SLC16A2: variants seen among roughly 807,000 people sequenced by gnomAD.
SLC16A2 encodes solute carrier family 16 member 2, also known as monocarboxylate transporter 8.
In SLC16A2, 3 loss-of-function variants were observed where a neutral mutation model predicts 27.2. The ratio of observed to expected loss-of-function variants is 0.11; its 90% CI spans 0.05 to 0.28. The LOEUF is 0.28. Ranked by LOEUF, SLC16A2 falls within the 10% of genes least tolerant of loss-of-function variation. SLC16A2 has a pLI of 1.00. For synonymous variants in SLC16A2, 202 were observed against 187.8 expected (o/e 1.08, Z -0.62); for missense variants, 295 against 458.5 (o/e 0.64, Z 3.26).
At chrX:74,499,985 G>A (rs1298181920) in intron 1 of SLC16A2, among the ~76,000 whole-genome samples, 2 of 111,441 alleles carry the variant, frequency 1.8e-5, no homozygotes, top group Non-Finnish European at 3.8e-5. Flanking sequence ...CAGTAGGTTT[G>A]AGGGGAAAGC....
chrX:74,505,098 T>C (rs1930101609), intron 1 of SLC16A2, among the ~76,000 whole-genome samples: 1 of 112,024 alleles, frequency 8.9e-6, no homozygotes, highest in Admixed American at 9.5e-5. Flanking sequence ...TATACAAACA[T>C]TATAGAAAGA....
chrX:74,494,625 T>C (rs924458537), intron 1 of SLC16A2, among the ~76,000 whole-genome samples: 2 of 111,554 alleles, frequency 1.8e-5, no homozygotes, highest in Non-Finnish European at 3.8e-5. Flanking sequence ...TTCCTCCTTA[T>C]GAATATCCTG....
In SLC16A2 at chrX:74,484,294, G is replaced by A. The variant is rs183654794; in HGVS notation, c.431-36696G>A. Among the ~76,000 whole-genome samples, 5 of 111,824 alleles carry A rather than the reference G, an allele frequency of 4.5e-5. No homozygotes were observed. The Admixed American group carries it at 4.7e-4, about 11-fold the overall frequency. On this transcript the variant is annotated intron_variant, in intron 1 of 5. Coordinates refer to ENST00000587091, the MANE Select transcript of SLC16A2 (RefSeq NM_006517.5). Reference sequence around the variant, plus strand: ...ATCAAATACATTTAGGATATACATTGGTTTGGTTCAGAAAGGCAAAACAAC... The same window carrying A: ...ATCAAATACATTTAGGATATACATTAGTTTGGTTCAGAAAGGCAAAACAAC...
At position 74,449,473 on chromosome X, in the gene SLC16A2, A is replaced by AT. The variant is rs1207772943; in HGVS notation, c.430+27407dup. ...AGATATAACCTCCAAAGTAACTTGC[A>AT]TAATATATTTGCACCCTGCTGTGTT... On this transcript the variant is annotated intron_variant, in intron 1 of 5. Coordinates refer to ENST00000587091, the MANE Select transcript of SLC16A2 (RefSeq NM_006517.5). Among the ~76,000 whole-genome samples the AT allele has an allele frequency of 2.7e-5, 3 of 112,389 alleles. No homozygotes were observed. The East Asian group carries it at 8.4e-4, about 32-fold the overall frequency.
At chrX:74,503,846 T>C (rs924608753) in intron 1 of SLC16A2, among the ~76,000 whole-genome samples, 5 of 112,350 alleles carry the variant, frequency 4.5e-5, no homozygotes, top group Admixed American at 9.4e-5. Context: ...CTGTGTGACC[T>C]AGTCTACTTA....
At chrX:74,512,678 A>G (rs907368237) in intron 1 of SLC16A2, among the ~76,000 whole-genome samples, 2 of 112,141 alleles carry the variant, frequency 1.8e-5, no homozygotes, top group Non-Finnish European at 3.8e-5. Flanking sequence ...CTGGTCTCAC[A>G]CTTGAATTAT....
At chrX:74,432,175 G>T (rs1426371108) in intron 1 of SLC16A2, among the ~76,000 whole-genome samples, 1 of 111,345 alleles carries the variant, frequency 9.0e-6, no homozygotes, top group Non-Finnish European at 1.9e-5. Context: ...TGGAGTTAGG[G>T]TGTCACTTCC....
intron 1 of SLC16A2, among the ~76,000 whole-genome samples, chrX:74,468,722 T>A (rs574855757): frequency 8.9e-6 from 1 of 112,297 alleles, no homozygotes; most frequent in Middle Eastern, 4.6e-3. Flanking sequence ...GCACTATTTA[T>A]GGGGTACATG....
At chrX:74,523,241 C>A (rs1602141695) in intron 2 of SLC16A2, among the ~76,000 whole-genome samples, 1 of 112,206 alleles carries the variant, frequency 8.9e-6, no homozygotes, top group African/African-American at 3.2e-5. Context: ...TCCTTGCTCA[C>A]GTCCAGTGAA....
chrX:74,464,788 C>T (rs1486823092), intron 1 of SLC16A2, among the ~76,000 whole-genome samples: 4 of 110,798 alleles, frequency 3.6e-5, no homozygotes, highest in African/African-American at 6.6e-5. Flanking sequence ...GGAGGCTGAG[C>T]GGGGAGGATC....
At chrX:74,486,657 C>A (rs1383011147) in intron 1 of SLC16A2, among the ~76,000 whole-genome samples, 2 of 112,183 alleles carry the variant, frequency 1.8e-5, no homozygotes, top group Non-Finnish European at 3.8e-5. Flanking sequence ...CTAGTTCAAC[C>A]ATTGTGGAAG....
At chrX:74,477,374 CT>C (rs1929503834) in intron 1 of SLC16A2, among the ~76,000 whole-genome samples, 1 of 110,784 alleles carries the variant, frequency 9.0e-6, no homozygotes, top group Admixed American at 9.6e-5. Flanking sequence ...TCTCTCTTTT[CT>C]TCTTTATTAG....
intron 1 of SLC16A2, among the ~76,000 whole-genome samples, chrX:74,451,041 A>G (rs767853095): frequency 2.7e-5 from 3 of 111,913 alleles, no homozygotes; most frequent in Admixed American, 9.5e-5. Context: ...TTGGGTTTCC[A>G]TGGGGATCTG....
rs745812630 is a variant in SLC16A2, at chrX:74,473,920, G to A, written c.431-47070G>A. ...CCTTCAATGAAGAGCTTCCTCAGCTGTTCGGGCCCTTTAGGAGATGCTGAC... is the reference window on the plus strand; with the variant it reads ...CCTTCAATGAAGAGCTTCCTCAGCTATTCGGGCCCTTTAGGAGATGCTGAC... On this transcript the variant is annotated intron_variant, in intron 1 of 5. Transcript: ENST00000587091. 1.2e-5 allele frequency: 5 copies of A among 420,371 alleles called. No individual in the cohort carries two copies. The South Asian group carries it at 2.0e-4, about 17-fold the overall frequency. The allele number at this position is 420,371 out of a possible 1,213,427, so 34.6% of individuals were successfully genotyped here.
chrX:74,521,269 C>A (rs1930401810), intron 2 of SLC16A2, 135 bp downstream of exon 2: 2 of 769,577 alleles, frequency 2.6e-6, no homozygotes, highest in Non-Finnish European at 3.9e-6. Flanking sequence ...ATCCTGCACC[C>A]TGGATTCAGA....
At chrX:74,452,592 T>C (rs920692536) in intron 1 of SLC16A2, among the ~76,000 whole-genome samples, 21 of 111,767 alleles carry the variant, frequency 1.9e-4, no homozygotes, top group African/African-American at 6.8e-4. Context: ...AGATTATATA[T>C]ATAGTTTTAA....
At chrX:74,502,805 G>A (rs1293935880) in intron 1 of SLC16A2, among the ~76,000 whole-genome samples, 1 of 111,110 alleles carries the variant, frequency 9.0e-6, no homozygotes, top group Non-Finnish European at 1.9e-5. Flanking sequence ...CCAATCCATT[G>A]CCTCTCAAAC....
chrX:74,445,564 A>G (rs1928825060), intron 1 of SLC16A2, among the ~76,000 whole-genome samples: 1 of 105,806 alleles, frequency 9.5e-6, no homozygotes, highest in African/African-American at 3.4e-5. Flanking sequence ...AAGGTAGACC[A>G]TGACAGATCT....
At chrX:74,478,542 T>C (rs1359777139) in intron 1 of SLC16A2, among the ~76,000 whole-genome samples, 1 of 111,888 alleles carries the variant, frequency 8.9e-6, no homozygotes, top group Non-Finnish European at 1.9e-5. Context: ...TAGCTGGTTA[T>C]TTTGCTTGTT....
Sources: gnomAD v4.1 joint callset for allele counts (sites outside exome capture counted in the v4.1 genomes callset) on GRCh38, gnomAD v4.1.1 for gene constraint, MANE v1.5 for transcripts, NCBI Gene and HGNC (gene_info 2026-07-23, HGNC 2026-07-21) for gene names.